The following CD101 variants were observed in gnomAD, a reference collection of about 807,000 sequenced individuals.
The protein encoded by CD101 is immunoglobulin superfamily member 2.
A neutral mutation model predicts 98.2 loss-of-function variants in CD101; 76 were observed. The ratio of observed to expected loss-of-function variants is 0.77; its 90% CI spans 0.64 to 0.94. The LOEUF (loss-of-function observed/expected upper bound fraction) is 0.94. Among genes scored for constraint, CD101 ranks in the 40% least tolerant of loss-of-function variants. The pLI, the probability that CD101 is intolerant of heterozygous loss-of-function variation, is 0.00. For missense variants in CD101, 1,145 were observed against 1,218.8 expected (o/e 0.94, Z 0.90); for synonymous variants, 471 against 472.7 (o/e 1.00, Z 0.05).
chr1:117,025,980 C>G, intron 8 of CD101, 76 bp downstream of exon 8: 3 of 1,445,492 alleles, frequency 2.1e-6, no homozygotes, highest in Non-Finnish European at 2.8e-6. Flanking sequence ...TCCCTCTCAC[C>G]TATCTTTTGC....
chr1:117,006,772 A>G lies in CD101; in HGVS notation c.44-3078A>G, dbSNP rs186717012. 3.9e-5 allele frequency among the ~76,000 whole-genome samples: 6 copies of G among 152,250 alleles called. No individual in the cohort carries two copies. Among genetic ancestry groups the G allele is most frequent in the Admixed American group, 3.3e-4 (5 of 15,286 alleles). ...GAAGCACTTTTATTATATGTTTTCC[A>G]TAGAGAGGTGACTACTATCCACTTG... On this transcript the variant is annotated intron_variant, in intron 1 of 9. Transcript: ENST00000682167. This position sits in a 1 kb window ranked among gnomAD's most constrained non-coding sequence, Gnocchi z 4.4.
Position 117,021,514 on chromosome 1 carries a change from T to C in CD101, c.2018-59T>C. On this transcript the variant is annotated intron_variant, in intron 6 of 9. Coordinates refer to ENST00000682167, the MANE Select transcript of CD101 (RefSeq NM_001256106.3). This position sits in a 1 kb window ranked among gnomAD's most constrained non-coding sequence, Gnocchi z 4.7. ...AGTGTCATACTTGACCTCTAATGTC[T>C]CTACTACCTTAACTTTCTATTTCAT... 1 of 1,436,522 alleles carries C rather than the reference T, an allele frequency of 7.0e-7. No individual in the cohort carries two copies. The highest frequency in any genetic ancestry group is 9.3e-7 in the Non-Finnish European group (1 of 1,076,424). The allele number at this position is 1,436,522 out of a possible 1,614,324, so 89.0% of individuals were successfully genotyped here.
rs138031727 is a variant in CD101 at position 117,021,176 on chromosome 1, A to T, written c.2018-397A>T. On this transcript the variant is annotated intron_variant, in intron 6 of 9. Transcript: ENST00000682167. The surrounding 1 kb of genome is among the most constrained non-coding windows in gnomAD (Gnocchi z 4.7). ...GGGCCACTTTCTCCCAATCTGATAC[A>T]TGAAATATGACAGAAGAGATGCTTG... Among the ~76,000 whole-genome samples the T allele has an allele frequency of 1.0e-3, 154 of 152,380 alleles. No individual in the cohort carries two copies. The highest frequency in any genetic ancestry group is 3.6e-3 in the African/African-American group (148 of 41,578).
intron 1 of CD101, among the ~76,000 whole-genome samples, chr1:117,007,853 T>C (rs1012194051): frequency 6.6e-6 from 1 of 152,248 alleles, no homozygotes; most frequent in African/African-American, 2.4e-5. Flanking sequence ...TTTGTTTCTA[T>C]ATAACATTCC....
At chr1:117,017,514 C>T in intron 5 of CD101, 41 bp downstream of exon 5, 1 of 1,559,784 alleles carries the variant, frequency 6.4e-7, no homozygotes, top group Non-Finnish European at 8.7e-7. Flanking sequence ...CTGTATATCA[C>T]TCAATTCATT....
At position 117,022,209 on chromosome 1, in the gene CD101, C is replaced by A. The variant is rs1247631391; in HGVS notation, c.2428+226C>A. 6.6e-6 allele frequency among the ~76,000 whole-genome samples: 1 copy of A among 152,120 alleles called. No homozygotes were observed. The highest frequency in any genetic ancestry group is 2.4e-5 in the African/African-American group (1 of 41,428). On this transcript the variant is annotated intron_variant, in intron 7 of 9. Coordinates refer to ENST00000682167, the MANE Select transcript of CD101 (RefSeq NM_001256106.3). This position sits in a 1 kb window ranked among gnomAD's most constrained non-coding sequence, Gnocchi z 4.8. ...TGGGGAGCTGAGGTAGGAGCAATAT[C>A]CCTTTGATTGGTTTGCTTCTCAACC...
intron 7 of CD101, among the ~76,000 whole-genome samples, chr1:117,025,069 T>G (rs1402454547): frequency 6.6e-6 from 1 of 152,106 alleles, no homozygotes; most frequent in Admixed American, 6.5e-5. Context: ...GGACAAGAAT[T>G]AAAATGAATG....
At chr1:117,034,611 C>T (rs970853768) in intron 9 of CD101, among the ~76,000 whole-genome samples, 2 of 152,166 alleles carry the variant, frequency 1.3e-5, no homozygotes, top group Non-Finnish European at 2.9e-5. Context: ...TAACTTCCTT[C>T]GAGGCAGAAA....
intron 8 of CD101, among the ~76,000 whole-genome samples, chr1:117,029,091 G>A (rs754104097): frequency 2.8e-5 from 4 of 145,236 alleles, no homozygotes; most frequent in Admixed American, 7.1e-5. Flanking sequence ...AAGGAAGGTA[G>A]GTTAATAGAA....
At chr1:117,015,090 A>G (rs1295003501) in intron 4 of CD101, among the ~76,000 whole-genome samples, 2 of 151,806 alleles carry the variant, frequency 1.3e-5, no homozygotes, top group African/African-American at 4.8e-5. Context: ...TTCTAAAACT[A>G]AAAATAGTTC....
In CD101 at chr1:117,018,361, C is replaced by T; in HGVS notation, c.1818C>T (p.Phe606=). 1 of 1,614,162 alleles carries T rather than the reference C, an allele frequency of 6.2e-7. No homozygotes were observed. Among genetic ancestry groups the T allele is most frequent in the Non-Finnish European group, 8.5e-7 (1 of 1,180,028 alleles). Residue 606 remains phenylalanine, a synonymous_variant, in exon 6 of 10, where the codon TTC becomes TTT. Transcript: ENST00000682167. This position sits in a 1 kb window ranked among gnomAD's most constrained non-coding sequence, Gnocchi z 4.3. The part of the protein sequence containing the change: ...THNGTIEWGN[F]LSRFQKKTKV... ...ATGGCACTATTGAATGGGGGAATTT[C>T]CTATCCCGGTTCCAAAAGAAGACGA...
intron 5 of CD101, 34 bp downstream of exon 5, chr1:117,017,507 T>A (rs770735361): frequency 1.2e-5 from 19 of 1,568,558 alleles, no homozygotes; most frequent in Non-Finnish European, 1.6e-5. Flanking sequence ...TCTGCACCTG[T>A]ATATCACTCA....
intron 4 of CD101, among the ~76,000 whole-genome samples, chr1:117,014,546 G>A (rs1018778921): frequency 6.6e-6 from 1 of 152,154 alleles, no homozygotes; most frequent in African/African-American, 2.4e-5. Flanking sequence ...CTTTATGAAG[G>A]TTGGGTGACC....
Position 117,017,367 on chromosome 1 carries a change from C to T in CD101, c.1506C>T (p.Ala502=). ...TCCAGCTGGAGATCACCTTCACTGC[C>T]ATCACAGACAGTGGCACATATGAGT... ...ATFQLEITFT[A]ITDSGTYECR... is the part of the protein sequence containing the mutation. Residue 502 remains alanine (A), a synonymous_variant, in exon 5 of 10, where the codon GCC becomes GCT. Coordinates refer to ENST00000682167, the MANE Select transcript of CD101 (RefSeq NM_001256106.3). 3 of 1,614,252 alleles carry T rather than the reference C, an allele frequency of 1.9e-6. No homozygotes were observed. Among genetic ancestry groups the T allele is most frequent in the Non-Finnish European group, 2.5e-6 (3 of 1,180,052 alleles).
rs937490264 is a variant in CD101, at chr1:117,005,343, G to A, written c.43+3483G>A. On this transcript the variant is annotated intron_variant, in intron 1 of 9. Transcript: ENST00000682167. The surrounding 1 kb of genome is among the most constrained non-coding windows in gnomAD (Gnocchi z 4.4). ...TTCCTTCTCCATGAAACTCCTGGAAGTAGGTTCCACTTCCTGCAGTCACTT... is the reference window on the plus strand; with the variant it reads ...TTCCTTCTCCATGAAACTCCTGGAAATAGGTTCCACTTCCTGCAGTCACTT... Among the ~76,000 whole-genome samples, 1 of 152,056 alleles carries A rather than the reference G, an allele frequency of 6.6e-6. No homozygotes were observed. The highest frequency in any genetic ancestry group is 2.1e-4 in the South Asian group (1 of 4,814).
Position 117,013,800 on chromosome 1 carries a change from A to C in CD101, c.1228+8A>C, listed in dbSNP as rs377654734. ...ACCTGAGGAAGCCAGCAGGTACGTAAAGTCAAGGCCAGGCATGCATTGGGC... is the reference window on the plus strand; with the variant it reads ...ACCTGAGGAAGCCAGCAGGTACGTACAGTCAAGGCCAGGCATGCATTGGGC... On this transcript the variant is annotated splice_region_variant and intron_variant, in intron 4 of 9. Transcript: ENST00000682167. 557 of 1,604,762 alleles carry C rather than the reference A, an allele frequency of 3.5e-4. 1 individual carries two copies. Among genetic ancestry groups the C allele is most frequent in the Non-Finnish European group, 4.6e-4 (544 of 1,175,964 alleles).
rs147443129 is a variant in CD101 at position 117,007,846 on chromosome 1, G to C, written c.44-2004G>C. ...CAAATAGTTGTAATTGTTGATTTTT[G>C]TTTCTATATAACATTCCACTTTATG... On this transcript the variant is annotated intron_variant, in intron 1 of 9. Transcript: ENST00000682167. Among the ~76,000 whole-genome samples the C allele has an allele frequency of 3.4e-3, 511 of 152,176 alleles. 5 individuals carry two copies. Among genetic ancestry groups the C allele is most frequent in the African/African-American group, 0.012 (488 of 41,506 alleles).
chr1:117,003,140 T>TA (rs988358017), intron 1 of CD101, among the ~76,000 whole-genome samples: 5 of 152,148 alleles, frequency 3.3e-5, no homozygotes, highest in African/African-American at 1.2e-4. Context: ...AGATTCCATC[T>TA]AAAAAAACAA....
chr1:117,007,922 CTT>C (rs1265603441), intron 1 of CD101, among the ~76,000 whole-genome samples: 1 of 152,168 alleles, frequency 6.6e-6, no homozygotes, highest in Non-Finnish European at 1.5e-5. Context: ...TGGGTTGTCT[CTT>C]GTTTGAAGCT....
Sources: allele counts gnomAD v4.1 joint callset (sites outside exome capture counted in the v4.1 genomes callset), GRCh38; gene constraint gnomAD v4.1.1; non-coding constraint Gnocchi (gnomAD v3.1); transcripts MANE v1.5; gene names NCBI Gene and HGNC (gene_info 2026-07-23, HGNC 2026-07-21).